The following CENPT variants were observed in gnomAD, a reference collection of about 807,000 sequenced individuals.
The protein encoded by CENPT is centromere protein T.
CENPT carries 42 observed loss-of-function variants against 59.7 expected under a neutral mutation model. That is an observed-to-expected ratio of 0.70 (90% CI 0.55 to 0.91). CENPT has a LOEUF of 0.91. CENPT is among the 40% of genes least tolerant of loss of function. CENPT has a pLI of 0.00. For synonymous variants in CENPT, 295 were observed against 289.6 expected (o/e 1.02, Z -0.19); for missense variants, 716 against 713.4 (o/e 1.00, Z -0.04).
At chr16:67,831,392 G>A (rs2057687510) in intron 9 of CENPT, 34 bp from the exon 10 acceptor site, 1 of 1,605,308 alleles carries the variant, frequency 6.2e-7, no homozygotes, top group Non-Finnish European at 8.5e-7. Context: ...GGAAAGTCAG[G>A]TACCTGAGAC....
rs377516180 is a variant in CENPT at position 67,842,920 on chromosome 16, A to ACAGCAGCAG, written c.-492+4472_-492+4480dup. 5.9e-4 allele frequency: 927 copies of ACAGCAGCAG among 1,579,902 alleles called. No homozygotes were observed. The highest frequency in any genetic ancestry group is 7.2e-4 in the Non-Finnish European group (834 of 1,160,218). On this transcript the variant is annotated intron_variant, in intron 1 of 15. Coordinates refer to ENST00000562787, the MANE Select transcript of CENPT (RefSeq NM_025082.4). The surrounding 1 kb of genome is among the most constrained non-coding windows in gnomAD (Gnocchi z 4.9). ...AGCAGCAACAGCAGCAGCAGCAGCA[A>ACAGCAGCAG]CAGCAGCAGCAGCAGCAGCAGCAGC... is the stretch of plus-strand genomic sequence containing the variant.
chr16:67,846,276 T>TG (rs770621814), intron 1 of CENPT, among the ~76,000 whole-genome samples: 1 of 152,272 alleles, frequency 6.6e-6, no homozygotes, highest in Admixed American at 6.5e-5. Context: ...CAGAATGTTT[T>TG]GGGGGGACCC....
At chr16:67,841,825 AGGCCCAG>A in intron 1 of CENPT, 1 of 152,236 alleles carries the variant, frequency 6.6e-6, no homozygotes, top group East Asian at 1.9e-4. Flanking sequence ...CGGGGCGCCG[AGGCCCAG>A]GTTTCGTCTC....
At chr16:67,839,525 A>G (rs1400539329) in intron 1 of CENPT, among the ~76,000 whole-genome samples, 2 of 152,116 alleles carry the variant, frequency 1.3e-5, no homozygotes, top group Non-Finnish European at 2.9e-5. Flanking sequence ...GCACCACTAC[A>G]CGCCAGCCTG....
At chr16:67,831,491 TG>T in intron 9 of CENPT, 84 bp downstream of exon 9, 1 of 1,580,642 alleles carries the variant, frequency 6.3e-7, no homozygotes, top group Non-Finnish European at 8.7e-7. Flanking sequence ...GGAAGTAGTA[TG>T]GGCAGATTCC....
Position 67,842,932 on chromosome 16 carries a change from G to C in CENPT, c.-492+4469C>G, listed in dbSNP as rs151159352. On this transcript the variant is annotated intron_variant, in intron 1 of 15. Transcript: ENST00000562787. This position sits in a 1 kb window ranked among gnomAD's most constrained non-coding sequence, Gnocchi z 4.9. ...AGCAGCAGCAGCAACAGCAGCAGCA[G>C]CAGCAGCAGCAGCAGCAGTCCTCAC... The C allele has an allele frequency of 6.2e-7, 1 of 1,603,904 alleles. No individual in the cohort carries two copies. The highest frequency in any genetic ancestry group is 8.5e-7 in the Non-Finnish European group (1 of 1,175,936).
chr16:67,831,755 T>C lies in CENPT; in HGVS notation c.522A>G (p.Gln174=), dbSNP rs1483139270. Reference sequence around the variant, plus strand: ...CAAAAGTGGTGTCCAGGGCCTCACCTTGGGAGAGAGACAGCCCCTGGTCCA... The same window carrying C: ...CAAAAGTGGTGTCCAGGGCCTCACCCTGGGAGAGAGACAGCCCCTGGTCCA... ...QGVDQGLSLS[Q]EPQGNADASS... is the part of the protein sequence containing the mutation. Residue 174 remains glutamine (Q), a splice_region_variant and synonymous_variant, in exon 8 of 16, where the codon CAA becomes CAG. Coordinates refer to ENST00000562787, the MANE Select transcript of CENPT (RefSeq NM_025082.4). 4 of 1,579,724 alleles carry C rather than the reference T, an allele frequency of 2.5e-6. No individual in the cohort carries two copies. The highest frequency in any genetic ancestry group is 1.8e-5 in the Admixed American group (1 of 55,404).
chr16:67,831,719 G>C (rs375155332), intron 8 of CENPT, 35 bp downstream of exon 8: 1 of 1,587,446 alleles, frequency 6.3e-7, no homozygotes. Context: ...AGGACAGGAG[G>C]GAGAGGGTAG....
intron 4 of CENPT, among the ~76,000 whole-genome samples, chr16:67,833,312 C>T (rs2057711081): frequency 6.6e-6 from 1 of 152,232 alleles, no homozygotes; most frequent in African/African-American, 2.4e-5. Flanking sequence ...ACAGTGGGAA[C>T]CCTCGGGACG....
At chr16:67,839,147 G>A (rs1483164990) in intron 1 of CENPT, among the ~76,000 whole-genome samples, 1 of 151,986 alleles carries the variant, frequency 6.6e-6, no homozygotes, top group African/African-American at 2.4e-5. Flanking sequence ...AGCACTTTGG[G>A]AGGCTGAGAT....
intron 11 of CENPT, 80 bp downstream of exon 11, chr16:67,830,310 G>T (rs962857878): frequency 6.6e-7 from 1 of 1,523,370 alleles, no homozygotes; most frequent in Non-Finnish European, 8.9e-7. Flanking sequence ...GGCACAGAGG[G>T]GCTTGAGGAA....
At position 67,842,818 on chromosome 16, in the gene CENPT, C is replaced by G; in HGVS notation, c.-492+4583G>C. 1 of 1,610,470 alleles carries G rather than the reference C, an allele frequency of 6.2e-7. No homozygotes were observed. Among genetic ancestry groups the G allele is most frequent in the Non-Finnish European group, 8.5e-7 (1 of 1,179,300 alleles). On this transcript the variant is annotated intron_variant, in intron 1 of 15. Transcript: ENST00000562787. The surrounding 1 kb of genome is among the most constrained non-coding windows in gnomAD (Gnocchi z 4.9). ...TCCCGCTGCGCGGCGTCAATGAGCG[C>G]AAAGTAGCGCGCAGACCCGCTGGGG...
chr16:67,836,432 CA>C (rs1422880473), intron 1 of CENPT, among the ~76,000 whole-genome samples: 1 of 146,992 alleles, frequency 6.8e-6, no homozygotes, highest in Non-Finnish European at 1.5e-5. Flanking sequence ...TGGAAAAAAA[CA>C]AACATCTTTT....
chr16:67,828,767 GCCGGGGCCTGGGGCCGGTGGT>G lies in CENPT; in HGVS notation c.1336_1356del (p.Thr446_Arg452del). The G allele has an allele frequency of 6.2e-7, 1 of 1,610,590 alleles. No individual in the cohort carries two copies. The highest frequency in any genetic ancestry group is 1.1e-5 in the South Asian group (1 of 90,442). ...CTCAGTCCAGCCTTGTGGGGATCTTGCCGGGGCCTGGGGCCGGTGGTCCGGGGCCTAGGGGGATGCCTGACC... is the reference window on the plus strand; with the variant it reads ...CTCAGTCCAGCCTTGTGGGGATCTTGCCGGGGCCTAGGGGGATGCCTGACC... On this transcript the variant is annotated inframe_deletion, in exon 14 of 16. Coordinates refer to ENST00000562787, the MANE Select transcript of CENPT (RefSeq NM_025082.4).
intron 1 of CENPT, among the ~76,000 whole-genome samples, chr16:67,841,010 C>CATACATATATATATATAT (rs1256263734): frequency 3.7e-5 from 4 of 109,382 alleles, no homozygotes; most frequent in African/African-American, 7.1e-5. Flanking sequence ...ATACAAAATA[C>CATACATATATATATATAT]ATATATATAT....
At position 67,828,711 on chromosome 16, in the gene CENPT, G is replaced by T. The variant is rs2057638549; in HGVS notation, c.1413C>A (p.Ala471=). The part of the protein sequence containing the change: ...SHYVKLFSFY[A]KMPMERKALE... ...GAGCCTTCCTCTCCATGGGCATCTTGGCATAGAAGCTAAAGAGTTTCACAT... is the reference window on the plus strand; with the variant it reads ...GAGCCTTCCTCTCCATGGGCATCTTTGCATAGAAGCTAAAGAGTTTCACAT... Residue 471 remains alanine, a synonymous_variant, in exon 14 of 16, where the codon GCC becomes GCA. Coordinates refer to ENST00000562787, the MANE Select transcript of CENPT (RefSeq NM_025082.4). 6.2e-7 allele frequency: 1 copy of T among 1,614,002 alleles called. No individual in the cohort carries two copies. Among genetic ancestry groups the T allele is most frequent in the South Asian group, 1.1e-5 (1 of 91,086 alleles).
intron 13 of CENPT, 86 bp from the exon 14 acceptor site, chr16:67,828,929 C>A (rs2057644500): frequency 7.0e-7 from 1 of 1,438,634 alleles, no homozygotes. Flanking sequence ...TCTGCTGAGG[C>A]TGGGGACCAC....
Position 67,829,890 on chromosome 16 carries a change from C to T in CENPT, c.1061G>A (p.Gly354Glu), listed in dbSNP as rs765456504. Residue 354 changes from glycine to glutamate, a missense_variant, in exon 12 of 16, where the codon GGA (glycine) becomes GAA (glutamate). Transcript: ENST00000562787. ...CTCAGCCTCTTCTACCCTGCTGGGT[C>T]CTTGTGCTCCTGTTGCCTCCATTTC... ...VSEMEATGAQGPSRVEEAEGH... is the reference protein window; with the variant it reads ...VSEMEATGAQEPSRVEEAEGH... 6.2e-7 allele frequency: 1 copy of T among 1,614,258 alleles called. No homozygotes were observed. Among genetic ancestry groups the T allele is most frequent in the South Asian group, 1.1e-5 (1 of 91,090 alleles).
Position 67,833,868 on chromosome 16 carries a change from C to T in CENPT, c.-9G>A. The T allele has an allele frequency of 2.0e-6, 3 of 1,501,080 alleles. No individual in the cohort carries two copies. Among genetic ancestry groups the T allele is most frequent in the Admixed American group, 2.5e-5 (1 of 40,268 alleles). 93.0% of individuals were successfully genotyped at this position (1,501,080 alleles called of 1,614,324 possible). ...GGGTTGTGGTCAGCCATCGTCTCGG[C>T]CCCGGGCCCTCCTAACCGCCCAGCC... On this transcript the variant is annotated 5_prime_UTR_variant, in exon 4 of 16. Transcript: ENST00000562787.
Sources: allele counts gnomAD v4.1 joint callset (sites outside exome capture counted in the v4.1 genomes callset), GRCh38; gene constraint gnomAD v4.1.1; non-coding constraint Gnocchi (gnomAD v3.1); transcripts MANE v1.5; gene names NCBI Gene and HGNC (gene_info 2026-07-23, HGNC 2026-07-21).